Variants in TENM2 observed in about 807,000 individuals in gnomAD.
The protein encoded by TENM2 is teneurin transmembrane protein 2, also known as teneurin-2.
In TENM2, 52 loss-of-function variants were observed where a neutral mutation model predicts 245.2. The observed-to-expected ratio is 0.21, with a 90% CI of 0.17 to 0.27. The LOEUF (loss-of-function observed/expected upper bound fraction) is 0.27, where lower values mean the gene tolerates loss of function less well. TENM2 is among the 10% of genes least tolerant of loss of function. The probability of loss-of-function intolerance (pLI) is 1.00; values close to 1 mark genes in which losing one functional copy is unlikely to be tolerated. For synonymous variants in TENM2, 1,363 were observed against 1,438.9 expected (o/e 0.95, Z 1.19); for missense variants, 3,046 against 3,666.8 (o/e 0.83, Z 4.37).
rs540326142 is a variant in TENM2 at position 168,030,158 on chromosome 5, C to CT, written c.1187-17240dup. 5.7e-3 allele frequency among the ~76,000 whole-genome samples: 372 copies of CT among 65,256 alleles called. 28 individuals are homozygous for CT. The highest frequency in any genetic ancestry group is 0.04 in the East Asian group (45 of 1,124). 42.8% of individuals were successfully genotyped at this position (65,256 alleles called of 152,430 possible). A position where few individuals can be genotyped will look rare whatever the true frequency, so the allele number is the denominator to read the frequency against. Reference sequence around the variant, plus strand: ...CTTTGGCCCAAGTCTGGTTCTGGCTCTTTTTTTTTTTTTTTTTTTTTTTTT... The same window carrying CT: ...CTTTGGCCCAAGTCTGGTTCTGGCTCTTTTTTTTTTTTTTTTTTTTTTTTTT... On this transcript the variant is annotated intron_variant, in intron 5 of 28. Transcript: ENST00000518659.
chr5:167,872,473 A>C (rs67007847), intron 2 of TENM2, among the ~76,000 whole-genome samples: 68,993 of 120,276 alleles, frequency 0.57, 23,213 homozygotes, highest in South Asian at 0.8. Context: ...AAAGAAAGAA[A>C]GAAAGAAAGA....
intron 7 of TENM2, among the ~76,000 whole-genome samples, chr5:168,085,843 C>T (rs1792404879): frequency 6.6e-6 from 1 of 152,194 alleles, no homozygotes; most frequent in Non-Finnish European, 1.5e-5. Context: ...GTGCCACTTC[C>T]CTGCAATCCC....
chr5:167,023,211 T>C, the TENM2 span, among the ~76,000 whole-genome samples: 2 of 152,226 alleles, frequency 1.3e-5, no homozygotes, highest in African/African-American at 4.8e-5. Flanking sequence ...ATACTTGCAT[T>C]CCCTTGCAAC....
chr5:167,432,833 G>A (rs1764328902), intron 2 of TENM2, among the ~76,000 whole-genome samples: 1 of 152,128 alleles, frequency 6.6e-6, no homozygotes, highest in Admixed American at 6.5e-5. Context: ...AAGGTGGTTA[G>A]ATGGAATATA....
intron 2 of TENM2, among the ~76,000 whole-genome samples, chr5:167,735,396 T>C (rs528783641): frequency 6.6e-6 from 1 of 152,330 alleles, no homozygotes; most frequent in East Asian, 1.9e-4. Context: ...TGTGTTAGTA[T>C]GAGAAAAACT....
rs7715612 is a variant in TENM2, at chr5:168,067,253, G to A, written c.1515+4988G>A. Among the ~76,000 whole-genome samples the A allele has an allele frequency of 2.1e-3, 322 of 152,258 alleles. 4 individuals are homozygous for A. The highest frequency in any genetic ancestry group is 7.2e-3 in the African/African-American group (301 of 41,550). On this transcript the variant is annotated intron_variant, in intron 7 of 28. Coordinates refer to ENST00000518659, the Ensembl canonical transcript of TENM2. ...AAAGAGATTCTAGGGATTGAATGGC[G>A]GTAAGACAGGAGCAGATGCTGGTAC...
At chr5:167,187,771 C>T in the TENM2 span, among the ~76,000 whole-genome samples, 1 of 152,116 alleles carries the variant, frequency 6.6e-6, no homozygotes, top group African/African-American at 2.4e-5. Flanking sequence ...CTCCGGGGAG[C>T]CTGGTTGTTT....
chr5:167,292,141 G>C (rs923392648), intron 1 of TENM2, among the ~76,000 whole-genome samples: 4 of 152,100 alleles, frequency 2.6e-5, no homozygotes, highest in Non-Finnish European at 5.9e-5. Flanking sequence ...CCTCCCACCA[G>C]GTCCCTCCCA....
At chr5:168,166,757 A>G (rs1471240225) in intron 13 of TENM2, among the ~76,000 whole-genome samples, 1 of 152,222 alleles carries the variant, frequency 6.6e-6, no homozygotes, top group Non-Finnish European at 1.5e-5. Flanking sequence ...GGTACTGGAT[A>G]AAATAACTCC....
intron 2 of TENM2, among the ~76,000 whole-genome samples, chr5:167,690,970 T>TGTGTAG (rs143481347): frequency 4.8e-4 from 68 of 142,272 alleles, no homozygotes; most frequent in African/African-American, 1.7e-3. Flanking sequence ...TGTGTGTGTG[T>TGTGTAG]AGAGAGAGAG....
At chr5:167,495,553 G>C (rs1286618524) in intron 2 of TENM2, among the ~76,000 whole-genome samples, 1 of 152,018 alleles carries the variant, frequency 6.6e-6, no homozygotes, top group African/African-American at 2.4e-5. Flanking sequence ...TGTGGGTAAT[G>C]GGCATTGGGA....
At chr5:166,994,768 C>T in the TENM2 span, among the ~76,000 whole-genome samples, 4 of 152,166 alleles carry the variant, frequency 2.6e-5, no homozygotes, top group African/African-American at 7.2e-5. Context: ...GAAGAGGTAG[C>T]TTGCCATCTT....
intron 2 of TENM2, among the ~76,000 whole-genome samples, chr5:167,631,879 A>G (rs780451380): frequency 9.9e-5 from 15 of 152,046 alleles, no homozygotes; most frequent in Non-Finnish European, 1.6e-4. Flanking sequence ...GATTATGATT[A>G]TGTCTTTGAT....
the TENM2 span, among the ~76,000 whole-genome samples, chr5:167,279,501 T>C: frequency 2.5e-3 from 349 of 140,908 alleles, 1 homozygote; most frequent in African/African-American, 7.9e-3. Context: ...TTTCTCTTTC[T>C]TTCCTTCCTT....
At chr5:167,183,785 A>T in the TENM2 span, among the ~76,000 whole-genome samples, 3 of 152,170 alleles carry the variant, frequency 2.0e-5, no homozygotes, top group Non-Finnish European at 4.4e-5. Flanking sequence ...CCGTGAGAAA[A>T]AAATGGCCAC....
At chr5:167,359,078 G>T (rs536999998) in intron 1 of TENM2, among the ~76,000 whole-genome samples, 4 of 151,990 alleles carry the variant, frequency 2.6e-5, no homozygotes, top group African/African-American at 9.7e-5. Context: ...CCTTGATTCG[G>T]TTCTGCCACA....
intron 1 of TENM2, among the ~76,000 whole-genome samples, chr5:167,327,598 G>GA (rs1757165545): frequency 1.3e-5 from 2 of 152,222 alleles, no homozygotes; most frequent in Middle Eastern, 3.4e-3. Flanking sequence ...AGCATGTTCA[G>GA]AAAAAACCTC....
intron 4 of TENM2, among the ~76,000 whole-genome samples, chr5:167,967,940 C>T (rs1781500483): frequency 6.6e-6 from 1 of 152,190 alleles, no homozygotes; most frequent in South Asian, 2.1e-4. Context: ...AATTCTGGCT[C>T]CCTGATGATC....
chr5:167,015,927 G>T, the TENM2 span, among the ~76,000 whole-genome samples: 2 of 151,992 alleles, frequency 1.3e-5, no homozygotes, highest in African/African-American at 4.8e-5. Context: ...ATCCTCAGAG[G>T]CCCAGAAAGT....
Sources: allele counts gnomAD v4.1 joint callset (sites outside exome capture counted in the v4.1 genomes callset), GRCh38; gene constraint gnomAD v4.1.1; transcripts MANE v1.5; gene names NCBI Gene and HGNC (gene_info 2026-07-23, HGNC 2026-07-21).